The following SPON1 variants were observed in gnomAD, a reference collection of about 807,000 sequenced individuals.
SPON1 encodes the protein spondin 1.
SPON1 carries 52 observed loss-of-function variants against 111.7 expected under a neutral mutation model. The observed-to-expected ratio is 0.47, with a 90% confidence interval of 0.37 to 0.59. SPON1 has a LOEUF of 0.59. Ranked by LOEUF, SPON1 falls within the 20% of genes least tolerant of loss-of-function variation. SPON1 has a pLI of 0.00. For missense variants in SPON1, 957 were observed against 1,068.5 expected (o/e 0.90, Z 1.46); for synonymous variants, 410 against 395.8 (o/e 1.04, Z -0.43).
intron 3 of SPON1, among the ~76,000 whole-genome samples, chr11:14,050,272 T>A (rs1341306395): frequency 2.6e-5 from 4 of 152,242 alleles, no homozygotes; most frequent in African/African-American, 9.6e-5. Context: ...CTGAGCTTCA[T>A]AAAGGCATAG....
intron 6 of SPON1, among the ~76,000 whole-genome samples, chr11:14,162,157 CAAAA>C (rs72139147): frequency 8.9e-6 from 1 of 112,612 alleles, no homozygotes; most frequent in Non-Finnish European, 1.9e-5. Context: ...GACTCTGTCT[CAAAA>C]AAAAAAAAAA....
intron 15 of SPON1, 106 bp downstream of exon 15, chr11:14,263,081 G>A: frequency 8.6e-7 from 1 of 1,161,484 alleles, no homozygotes; most frequent in Non-Finnish European, 1.2e-6. Flanking sequence ...AAAAGTCGGG[G>A]AGAGTCTGCA....
intron 2 of SPON1, among the ~76,000 whole-genome samples, chr11:14,014,208 G>A (rs1554914049): frequency 6.6e-6 from 1 of 152,148 alleles, no homozygotes; most frequent in African/African-American, 2.4e-5. Flanking sequence ...GGTGCCTTAT[G>A]TCTGTGCTGT....
intron 6 of SPON1, among the ~76,000 whole-genome samples, chr11:14,197,779 C>T (rs1331206626): frequency 1.3e-5 from 2 of 152,238 alleles, no homozygotes; most frequent in East Asian, 3.9e-4. Flanking sequence ...CACACCACTG[C>T]ACTCCAGCCT....
At position 13,970,806 on chromosome 11, in the gene SPON1, G is replaced by A. The variant is rs573091735; in HGVS notation, c.238+7664G>A. Among the ~76,000 whole-genome samples, 15 of 152,204 alleles carry A rather than the reference G, an allele frequency of 9.9e-5. No individual in the cohort carries two copies. In the South Asian group the frequency reaches 1.5e-3, roughly 15 times the overall value. On this transcript the variant is annotated intron_variant, in intron 1 of 15. Coordinates refer to ENST00000576479, the MANE Select transcript of SPON1 (RefSeq NM_006108.4). Reference sequence around the variant, plus strand: ...CTCTCACTACCAATTTATGTTTCCCGTCACTTTCGCCTGATTTTGTTTTCT... The same window carrying A: ...CTCTCACTACCAATTTATGTTTCCCATCACTTTCGCCTGATTTTGTTTTCT...
chr11:14,058,015 T>A (rs1237754771), intron 3 of SPON1, among the ~76,000 whole-genome samples: 1 of 151,932 alleles, frequency 6.6e-6, no homozygotes, highest in Non-Finnish European at 1.5e-5. Flanking sequence ...AGACCCTGTC[T>A]CAAAAACAAA....
In SPON1 at chr11:14,267,892, T is replaced by C. The variant is rs190391853; in HGVS notation, c.*2205T>C. 6.6e-6 allele frequency: 1 copy of C among 152,278 alleles called. No individual in the cohort carries two copies. Among genetic ancestry groups the C allele is most frequent in the East Asian group, 1.9e-4 (1 of 5,190 alleles). The allele number at this position is 152,278 out of a possible 1,614,324, so 9.4% of individuals were successfully genotyped here. ...AAACTGCCATATAAAGAAGTTGTAA[T>C]TGTTTGTTGTGTATGTATTTTTTTC... On this transcript the variant is annotated 3_prime_UTR_variant, in exon 16 of 16. Transcript: ENST00000576479.
At chr11:14,237,047 C>T (rs1848875295) in intron 6 of SPON1, among the ~76,000 whole-genome samples, 1 of 152,132 alleles carries the variant, frequency 6.6e-6, no homozygotes, top group African/African-American at 2.4e-5. Flanking sequence ...CTGAGAAGCC[C>T]AGAGGCTGTT....
In SPON1 at chr11:14,169,481, C is replaced by G. The variant is rs200982261; in HGVS notation, c.825+33913C>G. Among the ~76,000 whole-genome samples, 290 of 150,760 alleles carry G rather than the reference C, an allele frequency of 1.9e-3. 2 individuals are homozygous for G. The East Asian group carries it at 0.021, about 11-fold the overall frequency. On this transcript the variant is annotated intron_variant, in intron 6 of 15. Transcript: ENST00000576479. ...CACTCTGATGGTAGTTTCTTTTGCT[C>G]TGCAGAAGCTCTTGAGTTTAATTAG...
chr11:14,005,590 T>C (rs1848352941), intron 2 of SPON1, among the ~76,000 whole-genome samples: 1 of 152,220 alleles, frequency 6.6e-6, no homozygotes, highest in African/African-American at 2.4e-5. Flanking sequence ...ACAGAGGGAA[T>C]GTAAGCCCCT....
chr11:14,033,383 T>A (rs1214348135), intron 2 of SPON1, among the ~76,000 whole-genome samples: 2 of 152,208 alleles, frequency 1.3e-5, no homozygotes, highest in Admixed American at 6.5e-5. Flanking sequence ...CAACTTCCTC[T>A]GGGACCTTGA....
intron 10 of SPON1, among the ~76,000 whole-genome samples, 195 bp from the exon 11 acceptor site, chr11:14,257,521 A>C (rs1461629217): frequency 1.3e-5 from 2 of 152,208 alleles, no homozygotes; most frequent in Non-Finnish European, 2.9e-5. Flanking sequence ...TTTAGATTAG[A>C]TATTTATTAG....
At chr11:14,041,314 C>A (rs1176016776) in intron 2 of SPON1, among the ~76,000 whole-genome samples, 1 of 152,024 alleles carries the variant, frequency 6.6e-6, no homozygotes, top group Non-Finnish European at 1.5e-5. Flanking sequence ...AAAGATGTGC[C>A]CAGTCTGCGT....
At chr11:14,012,715 G>A (rs1241642348) in intron 2 of SPON1, among the ~76,000 whole-genome samples, 4 of 152,110 alleles carry the variant, frequency 2.6e-5, no homozygotes, top group Non-Finnish European at 4.4e-5. Flanking sequence ...GGCTTCTGAT[G>A]TCTGCCATTG....
chr11:14,174,802 A>G (rs185842851), intron 6 of SPON1, among the ~76,000 whole-genome samples: 1 of 152,336 alleles, frequency 6.6e-6, no homozygotes, highest in Non-Finnish European at 1.5e-5. Flanking sequence ...TCCACTTTTA[A>G]TTAAGCTGAT....
At chr11:13,997,457 TAATG>T (rs1173841528) in intron 2 of SPON1, among the ~76,000 whole-genome samples, 1 of 152,172 alleles carries the variant, frequency 6.6e-6, no homozygotes, top group Non-Finnish European at 1.5e-5. Context: ...CAAAATAAAA[TAATG>T]TATGTAAAAT....
intron 2 of SPON1, among the ~76,000 whole-genome samples, chr11:14,010,660 A>G (rs1848397037): frequency 6.6e-6 from 1 of 152,114 alleles, no homozygotes. Context: ...TCTCAATGTG[A>G]CTTCACTTCT....
chr11:14,098,607 T>C (rs1849120159), intron 5 of SPON1, among the ~76,000 whole-genome samples: 4 of 151,572 alleles, frequency 2.6e-5, no homozygotes, highest in Admixed American at 1.3e-4. Flanking sequence ...GTAGGCCCAG[T>C]TCATAGAGCA....
chr11:14,016,514 A>G (rs1848445164), intron 2 of SPON1, among the ~76,000 whole-genome samples: 1 of 152,210 alleles, frequency 6.6e-6, no homozygotes, highest in Admixed American at 6.5e-5. Flanking sequence ...TCTAAATTTG[A>G]TTAGCAGTCA....
Sources: gnomAD v4.1 joint callset for allele counts (sites outside exome capture counted in the v4.1 genomes callset) on GRCh38, gnomAD v4.1.1 for gene constraint, MANE v1.5 for transcripts, NCBI Gene and HGNC (gene_info 2026-07-23, HGNC 2026-07-21) for gene names.